SCRIB: variants seen among roughly 807,000 people sequenced by gnomAD.
SCRIB encodes the protein scribble planar cell polarity protein, also known as protein scribble homolog.
SCRIB carries 72 observed loss-of-function variants against 170.0 expected under a neutral mutation model. The ratio of observed to expected loss-of-function variants is 0.42; its 90% CI spans 0.35 to 0.52. The LOEUF (loss-of-function observed/expected upper bound fraction) is 0.52, where lower values mean the gene tolerates loss of function less well. Ranked by LOEUF, SCRIB falls within the 20% of genes least tolerant of loss-of-function variation. SCRIB has a pLI of 0.02. For synonymous variants in SCRIB, 1,298 were observed against 1,044.3 expected, an observed-to-expected ratio of 1.24 and a Z score of -4.68; for missense variants, 2,475 against 2,338.5, an observed-to-expected ratio of 1.06 and a Z score of -1.20.
Position 143,804,985 on chromosome 8 carries a change from G to A in SCRIB, c.2700C>T (p.Gly900=), listed in dbSNP as rs371640278. ...AGIFVSRIAE[G]GAAHRAGTLQ... ...GTGTGCCCGCGCGGTGAGCAGCACC[G>A]CCCTCGGCAATGCGGGAGACGAAGA... The change falls in exon 20 of 37, where the codon GGC becomes GGT. Residue 900 remains glycine (G), a synonymous_variant. Coordinates refer to ENST00000356994, the MANE Select transcript of SCRIB (RefSeq NM_182706.5). The A allele has an allele frequency of 2.4e-5, 38 of 1,584,752 alleles. No homozygotes were observed. The African/African-American group carries it at 3.1e-4, about 13-fold the overall frequency.
At chr8:143,805,667 C>A (rs1554636410) in intron 18 of SCRIB, among the ~76,000 whole-genome samples, 1 of 152,204 alleles carries the variant, frequency 6.6e-6, no homozygotes, top group African/African-American at 2.4e-5. Context: ...AGGGCCAGGA[C>A]ACACACTGGC....
intron 16 of SCRIB, 96 bp downstream of exon 16, chr8:143,807,456 C>A (rs142136160): frequency 1.0e-6 from 1 of 993,972 alleles, no homozygotes. Context: ...GAGGGATCTG[C>A]GCTCAAGCAA....
In SCRIB at chr8:143,814,289, A is replaced by G. The variant is rs140251925; in HGVS notation, c.160-171T>C. On this transcript the variant is annotated intron_variant, in intron 1 of 36. Coordinates refer to ENST00000356994, the MANE Select transcript of SCRIB (RefSeq NM_182706.5). Reference sequence around the variant, plus strand: ...CCCCATTTGCAAAAAAAGGAAAGAAACACACGGTACACACGCCCACTGTGG... The same window carrying G: ...CCCCATTTGCAAAAAAAGGAAAGAAGCACACGGTACACACGCCCACTGTGG... Among the ~76,000 whole-genome samples, 713 of 152,034 alleles carry G rather than the reference A, an allele frequency of 4.7e-3. 1 individual carries two copies. Among genetic ancestry groups the G allele is most frequent in the Non-Finnish European group, 8.8e-3 (601 of 67,968 alleles).
intron 34 of SCRIB, 49 bp downstream of exon 34, chr8:143,791,827 A>G (rs6982642): frequency 1.4e-5 from 18 of 1,332,544 alleles, no homozygotes; most frequent in East Asian, 8.1e-5. Context: ...GCCAGACCCC[A>G]CCCCCATGCC....
intron 5 of SCRIB, 39 bp from the exon 6 acceptor site, chr8:143,813,413 C>G (rs747999119): frequency 1.2e-6 from 2 of 1,613,002 alleles, no homozygotes; most frequent in African/African-American, 2.7e-5. Context: ...CCACGCAGCC[C>G]TGGTCCCTGG....
At position 143,807,439 on chromosome 8, in the gene SCRIB, C is replaced by G; in HGVS notation, c.2178+113G>C. 11 of 899,636 alleles carry G rather than the reference C, an allele frequency of 1.2e-5. No homozygotes were observed. The South Asian group carries it at 1.4e-4, about 12-fold the overall frequency. 55.7% of individuals were successfully genotyped at this position (899,636 alleles called of 1,614,324 possible). ...TGGAGCCCAGCTGGATCTGAGAGCT[C>G]TTTTGAGAGGGATCTGCGCTCAAGC... On this transcript the variant is annotated intron_variant, in intron 16 of 36. Coordinates refer to ENST00000356994, the MANE Select transcript of SCRIB (RefSeq NM_182706.5).
chr8:143,808,500 G>A (rs894753715), intron 15 of SCRIB, 109 bp downstream of exon 15: 1 of 1,341,990 alleles, frequency 7.5e-7, no homozygotes, highest in Middle Eastern at 2.3e-4. Flanking sequence ...ACCTTCTCCG[G>A]GTGGCCAGGG....
At chr8:143,813,579 G>C in intron 4 of SCRIB, 53 bp from the exon 5 acceptor site, 1 of 1,612,498 alleles carries the variant, frequency 6.2e-7, no homozygotes, top group African/African-American at 1.3e-5. Flanking sequence ...GTGGCAGCAG[G>C]GGCAGGGCCA....
chr8:143,809,635 G>A lies in SCRIB; in HGVS notation c.1614C>T (p.Gly538=), dbSNP rs753605555. 16 of 1,610,970 alleles carry A rather than the reference G, an allele frequency of 9.9e-6. No individual in the cohort carries two copies. Among genetic ancestry groups the A allele is most frequent in the African/African-American group, 1.3e-5 (1 of 74,926 alleles). Residue 538 remains glycine, a synonymous_variant, in exon 14 of 37, where the codon GGC becomes GGT. Transcript: ENST00000356994. The part of the protein sequence containing the change: ...ASTVSEAEPE[G]PSAEAQGGSQ... ...TCCCACCCTGTGCCTCAGCCGACGG[G>A]CCCTCGGGCTCAGCCTCAGAGACTG...
chr8:143,812,977 GAGTC>G lies in SCRIB; in HGVS notation c.643-20_643-17del. On this transcript the variant is annotated splice_polypyrimidine_tract_variant and intron_variant, in intron 7 of 36. Coordinates refer to ENST00000356994, the MANE Select transcript of SCRIB (RefSeq NM_182706.5). ...TCCCGAGCTCCTGCAGGTGGGCAGA[GAGTC>G]AGAGCGCGGATGGGCACGAAGCAGG... 6.2e-7 allele frequency: 1 copy of G among 1,612,398 alleles called. No individual in the cohort carries two copies. The highest frequency in any genetic ancestry group is 8.5e-7 in the Non-Finnish European group (1 of 1,179,796).
intron 28 of SCRIB, chr8:143,793,399 C>A: frequency 6.8e-6 from 2 of 295,620 alleles, no homozygotes; most frequent in East Asian, 5.2e-5. Context: ...GGGTTTAAGG[C>A]AAGGGACGGG....
At chr8:143,793,760 A>C in intron 28 of SCRIB, 140 bp downstream of exon 28, 5 of 752,938 alleles carry the variant, frequency 6.6e-6, no homozygotes, top group Admixed American at 2.3e-5. Flanking sequence ...GCCCCATGGT[A>C]GCAGAGGGAA....
chr8:143,809,192 C>T (rs944334876), intron 14 of SCRIB, among the ~76,000 whole-genome samples, 167 bp from the exon 15 acceptor site: 1 of 152,186 alleles, frequency 6.6e-6, no homozygotes, highest in Non-Finnish European at 1.5e-5. Context: ...CTGAGAAAAG[C>T]TGAAGGCCAG....
Position 143,791,662 on chromosome 8 carries a change from G to C in SCRIB, c.4770+4C>G. The C allele has an allele frequency of 1.2e-6, 2 of 1,604,918 alleles. No homozygotes were observed. Among genetic ancestry groups the C allele is most frequent in the Non-Finnish European group, 1.7e-6 (2 of 1,173,342 alleles). ...AGGCATGCAGAGGCCTGGAGGCCAG[G>C]TACCTGGATGTCATAGACAGGTCTG... is the stretch of plus-strand genomic sequence containing the variant. On this transcript the variant is annotated splice_donor_region_variant and intron_variant, in intron 35 of 36. Transcript: ENST00000356994.
At chr8:143,791,518 CCT>C (rs1820079696) in intron 35 of SCRIB, 78 bp from the exon 36 acceptor site, 3 of 1,593,548 alleles carry the variant, frequency 1.9e-6, no homozygotes, top group Admixed American at 1.7e-5. Context: ...GGCTCCCAGC[CCT>C]GAGGCCCACA....
intron 9 of SCRIB, 101 bp downstream of exon 9, chr8:143,812,165 C>T: frequency 1.2e-6 from 1 of 828,066 alleles, no homozygotes; most frequent in Admixed American, 1.7e-5. Context: ...CCACGTCAGG[C>T]TGCCACCAGC....
rs546800924 is a variant in SCRIB, at chr8:143,804,644, G to A, written c.2933C>T (p.Thr978Ile). ...AVATTSITTA[T>I]PGVPGLPSLA... Reference sequence around the variant, plus strand: ...GCTCGGCAACCCAGGCACCCCGGGGGTGGCAGTGGTTATGCTGGTGGTGGC... The same window carrying A: ...GCTCGGCAACCCAGGCACCCCGGGGATGGCAGTGGTTATGCTGGTGGTGGC... The change falls in exon 21 of 37, where the codon ACC becomes ATC. Residue 978 changes from threonine to isoleucine, a missense_variant. Coordinates refer to ENST00000356994, the MANE Select transcript of SCRIB (RefSeq NM_182706.5). 11 of 1,537,628 alleles carry A rather than the reference G, an allele frequency of 7.2e-6. No homozygotes were observed. The South Asian group carries it at 1.3e-4, about 18-fold the overall frequency.
Position 143,792,583 on chromosome 8 carries a change from A to G in SCRIB, c.4230T>C (p.Ala1410=). Residue 1410 remains alanine, a synonymous_variant, in exon 31 of 37, where the codon GCT becomes GCC. Coordinates refer to ENST00000356994, the MANE Select transcript of SCRIB (RefSeq NM_182706.5). The part of the protein sequence containing the change: ...RAQMLREAAE[A]GAEARLALDG... ...CCAGGGCGAGCCTCGCTTCGGCCCC[A>G]GCCTCTGCCGCCTCCCGCAGCATCT... The G allele has an allele frequency of 6.3e-7, 1 of 1,584,714 alleles. No individual in the cohort carries two copies. Among genetic ancestry groups the G allele is most frequent in the Non-Finnish European group, 8.5e-7 (1 of 1,172,828 alleles).
Position 143,813,316 on chromosome 8 carries a change from C to T in SCRIB, c.562G>A (p.Val188Met), listed in dbSNP as rs1328359551. The T allele has an allele frequency of 4.3e-6, 7 of 1,613,424 alleles. No homozygotes were observed. The highest frequency in any genetic ancestry group is 1.1e-5 in the South Asian group (1 of 91,096). Residue 188 changes from valine (V) to methionine (M), a missense_variant, in exon 6 of 37, where the codon GTG (valine) becomes ATG (methionine). Val to Met is a conservative substitution (Grantham distance 21). Transcript: ENST00000356994. ...CCTGTCAGGCCTCCACGCACCAGCA[C>T]TTCCAGATCGTTGCCTCCCAGATCC... ...QLDLGGNDLE[V>M]LPDTLGALPN... is the part of the protein sequence containing the mutation.
Sources: allele counts gnomAD v4.1 joint callset (sites outside exome capture counted in the v4.1 genomes callset), GRCh38; gene constraint gnomAD v4.1.1; transcripts MANE v1.5; gene names NCBI Gene and HGNC (gene_info 2026-07-23, HGNC 2026-07-21).